RNF10: variants seen among roughly 807,000 people sequenced by gnomAD.
RNF10 encodes ring finger protein 10.
RNF10 carries 38 observed loss-of-function variants against 91.4 expected under a neutral mutation model. The observed-to-expected ratio is 0.42, with a 90% CI of 0.32 to 0.54. The LOEUF is 0.54. Ranked by LOEUF, RNF10 falls within the 20% of genes least tolerant of loss-of-function variation. The pLI is 0.16. For synonymous variants in RNF10, 364 were observed against 366.3 expected (o/e 0.99, Z 0.07); for missense variants, 945 against 1,012.0 (o/e 0.93, Z 0.90).
At chr12:120,556,184 T>C (rs1008581397) in intron 4 of RNF10, among the ~76,000 whole-genome samples, 2 of 152,094 alleles carry the variant, frequency 1.3e-5, no homozygotes, top group African/African-American at 4.8e-5. Context: ...TGTTGAAGAA[T>C]AATAATTTCA....
intron 1 of RNF10, among the ~76,000 whole-genome samples, chr12:120,541,870 TTTC>T (rs1871623101): frequency 4.0e-5 from 6 of 151,846 alleles, no homozygotes; most frequent in Admixed American, 3.9e-4. Flanking sequence ...GGTTTATCTT[TTTC>T]TTTTTTTTTT....
intron 13 of RNF10, among the ~76,000 whole-genome samples, chr12:120,567,745 A>G (rs2743850): frequency 1 from 150,836 of 151,242 alleles, 75,216 homozygotes; most frequent in Middle Eastern, 1. Context: ...AGGGAATGTA[A>G]TTCTTCTATT....
chr12:120,575,716 A>G, intron 15 of RNF10, 28 bp downstream of exon 15: 1 of 1,613,968 alleles, frequency 6.2e-7, no homozygotes, highest in East Asian at 2.2e-5. Flanking sequence ...GTGAAGGGGG[A>G]GTTTGGCTTC....
chr12:120,565,308 A>G (rs1243780590), intron 11 of RNF10, 119 bp downstream of exon 11: 4 of 1,147,566 alleles, frequency 3.5e-6, no homozygotes, highest in Non-Finnish European at 5.3e-6. Context: ...CCTCCTAAAC[A>G]CTTCATCTGT....
At chr12:120,558,465 C>G (rs1421754543) in intron 6 of RNF10, among the ~76,000 whole-genome samples, 1 of 150,988 alleles carries the variant, frequency 6.6e-6, no homozygotes, top group Non-Finnish European at 1.5e-5. Context: ...AAAAAAAAAT[C>G]CTCAGATATG....
intron 14 of RNF10, chr12:120,575,382 G>A: frequency 6.0e-6 from 3 of 496,036 alleles, no homozygotes; most frequent in Non-Finnish European, 1.1e-5. Context: ...CTTCTGTGCA[G>A]TGTTCTTTAC....
chr12:120,539,267 C>T (rs1042213596), intron 1 of RNF10: 12 of 505,750 alleles, frequency 2.4e-5, no homozygotes, highest in South Asian at 3.2e-5. Flanking sequence ...AAGTCCTAGG[C>T]GGTATTTTTC....
At chr12:120,549,179 G>T (rs1181726948) in intron 2 of RNF10, among the ~76,000 whole-genome samples, 1 of 152,104 alleles carries the variant, frequency 6.6e-6, no homozygotes, top group Non-Finnish European at 1.5e-5. Flanking sequence ...ATGGAGGTGG[G>T]TTCGGAGGTA....
intron 10 of RNF10, among the ~76,000 whole-genome samples, chr12:120,564,797 C>A (rs1875429716): frequency 6.6e-6 from 1 of 152,180 alleles, no homozygotes; most frequent in Admixed American, 6.5e-5. Context: ...TTGAAAAAAT[C>A]AGAAACAGCT....
chr12:120,568,538 C>CA (rs1289598732), intron 13 of RNF10, among the ~76,000 whole-genome samples: 1 of 150,850 alleles, frequency 6.6e-6, no homozygotes, highest in South Asian at 2.1e-4. Flanking sequence ...TGCACTGGTG[C>CA]AATCTCAGCT....
At chr12:120,575,746 C>T (rs777508213) in intron 15 of RNF10, 46 bp from the exon 16 acceptor site, 5 of 1,613,624 alleles carry the variant, frequency 3.1e-6, no homozygotes, top group Non-Finnish European at 3.4e-6. Flanking sequence ...AAGGCTGTTT[C>T]TAGAAAAAGA....
At position 120,562,168 on chromosome 12, in the gene RNF10, G is replaced by C. The variant is rs528686158; in HGVS notation, c.1129-777G>C. Among the ~76,000 whole-genome samples, 3 of 151,536 alleles carry C rather than the reference G, an allele frequency of 2.0e-5. No individual in the cohort carries two copies. In the South Asian group the frequency reaches 6.3e-4, roughly 32 times the overall value. On this transcript the variant is annotated intron_variant, in intron 7 of 16. Coordinates refer to ENST00000325954, the MANE Select transcript of RNF10 (RefSeq NM_014868.5). The stretch of plus-strand genomic sequence containing the variant: ...CCTCCCACTCTCCACCCTCTGATAG[G>C]CCTCAGTGTGTGTTCCCCTCTATGT...
intron 14 of RNF10, among the ~76,000 whole-genome samples, chr12:120,571,906 G>A (rs530666086): frequency 1.3e-5 from 2 of 152,122 alleles, no homozygotes; most frequent in Admixed American, 1.3e-4. Flanking sequence ...GAGGCTTGCT[G>A]TGAAACCACT....
chr12:120,576,137 A>G (rs1877361414), intron 16 of RNF10, among the ~76,000 whole-genome samples, 187 bp downstream of exon 16: 1 of 152,238 alleles, frequency 6.6e-6, no homozygotes, highest in Non-Finnish European at 1.5e-5. Context: ...GCCACCCCAG[A>G]GAAATTGATG....
At chr12:120,561,002 TTAAG>T in intron 7 of RNF10, 116 bp downstream of exon 7, 2 of 1,031,554 alleles carry the variant, frequency 1.9e-6, no homozygotes, top group Admixed American at 2.6e-5. Context: ...ACGCTGGGGA[TTAAG>T]TTAGTTCCAT....
chr12:120,557,525 A>G (rs1361745836), intron 5 of RNF10, 21 bp from the exon 6 acceptor site: 4 of 1,614,060 alleles, frequency 2.5e-6, no homozygotes, highest in African/African-American at 2.7e-5. Flanking sequence ...GCCCTGCTAC[A>G]TATGAGTGTC....
At chr12:120,573,304 A>C (rs1876935833) in intron 14 of RNF10, among the ~76,000 whole-genome samples, 1 of 152,148 alleles carries the variant, frequency 6.6e-6, no homozygotes. Flanking sequence ...TTTAGTTGTC[A>C]AGTCTCTTTA....
intron 7 of RNF10, 151 bp from the exon 8 acceptor site, chr12:120,562,794 T>G: frequency 2.0e-5 from 16 of 810,036 alleles, no homozygotes; most frequent in Non-Finnish European, 2.7e-5. Context: ...CCCTCAAAGT[T>G]GAGATATTTA....
rs2292681 is a variant in RNF10, at chr12:120,557,529, G to A, written c.831-17G>A. 0.64 allele frequency: 1,028,128 copies of A among 1,613,626 alleles called. 336,607 individuals carry two copies. Among genetic ancestry groups the A allele is most frequent in the East Asian group, 0.79 (35,295 of 44,884 alleles). ...CTTCACTCCTTGCCCTGCTACATATGAGTGTCCATGTTTCAGTGTTGTTGC... is the reference window on the plus strand; with the variant it reads ...CTTCACTCCTTGCCCTGCTACATATAAGTGTCCATGTTTCAGTGTTGTTGC... On this transcript the variant is annotated splice_polypyrimidine_tract_variant and intron_variant, in intron 5 of 16. Coordinates refer to ENST00000325954, the MANE Select transcript of RNF10 (RefSeq NM_014868.5).
Sources: gnomAD v4.1 joint callset for allele counts (sites outside exome capture counted in the v4.1 genomes callset) on GRCh38, gnomAD v4.1.1 for gene constraint, MANE v1.5 for transcripts, NCBI Gene and HGNC (gene_info 2026-07-23, HGNC 2026-07-21) for gene names.